ERCC6L2: variants seen among roughly 807,000 people sequenced by gnomAD.
ERCC6L2 encodes the protein DNA excision repair protein ERCC-6-like 2.
A neutral mutation model predicts 132.0 loss-of-function variants in ERCC6L2; 77 were observed. The observed-to-expected ratio is 0.58, with a 90% CI of 0.49 to 0.71. ERCC6L2 has a LOEUF of 0.71. ERCC6L2 is among the 30% of genes least tolerant of loss of function. The pLI is 0.00. For missense variants in ERCC6L2, 1,542 were observed against 1,837.6 expected, an observed-to-expected ratio of 0.84 and a Z score of 2.94; for synonymous variants, 583 against 632.4, an observed-to-expected ratio of 0.92 and a Z score of 1.17.
At chr9:96,030,435 C>G (rs907886348) in intron 19 of ERCC6L2, among the ~76,000 whole-genome samples, 13 of 152,130 alleles carry the variant, frequency 8.5e-5, no homozygotes, top group Non-Finnish European at 1.8e-4. Flanking sequence ...AGTACTCTCA[C>G]GCCTGTAATC....
At chr9:95,916,516 C>A in intron 6 of ERCC6L2, 82 bp downstream of exon 6, 1 of 1,181,740 alleles carries the variant, frequency 8.5e-7, no homozygotes, top group Non-Finnish European at 1.1e-6. Flanking sequence ...TCTCCTGTGG[C>A]ATTTTGTAAA....
At chr9:95,897,213 A>G (rs1444700656) in intron 2 of ERCC6L2, among the ~76,000 whole-genome samples, 4 of 152,170 alleles carry the variant, frequency 2.6e-5, no homozygotes, top group Admixed American at 6.5e-5. Flanking sequence ...CCCTTGCCTA[A>G]CTTCACAGAG....
In ERCC6L2 at chr9:95,917,848, T is replaced by C. The variant is rs556655988; in HGVS notation, c.1158+1414T>C. 2.6e-5 allele frequency among the ~76,000 whole-genome samples: 4 copies of C among 152,288 alleles called. No individual in the cohort carries two copies. The East Asian group carries it at 7.7e-4, about 29-fold the overall frequency. On this transcript the variant is annotated intron_variant, in intron 6 of 18. Coordinates refer to ENST00000653738, the MANE Select transcript of ERCC6L2 (RefSeq NM_020207.7). ...TGATGATAATAGTGCCTGCCTCACA[T>C]GGTTACTCTGAAATGCATGACACAT...
intron 13 of ERCC6L2, among the ~76,000 whole-genome samples, chr9:95,964,536 C>T (rs1832064536): frequency 6.6e-6 from 1 of 152,072 alleles, no homozygotes. Flanking sequence ...GCCTAATAAC[C>T]CGTGGTAAGG....
At chr9:95,890,707 G>T (rs921169799) in intron 2 of ERCC6L2, among the ~76,000 whole-genome samples, 1 of 151,982 alleles carries the variant, frequency 6.6e-6, no homozygotes, top group Non-Finnish European at 1.5e-5. Flanking sequence ...TCGCTTTTTT[G>T]CCCAGGCTGG....
intron 2 of ERCC6L2, among the ~76,000 whole-genome samples, chr9:95,888,229 C>A (rs1294961912): frequency 6.6e-6 from 1 of 152,092 alleles, no homozygotes; most frequent in Non-Finnish European, 1.5e-5. Context: ...ATGCCTTCCT[C>A]TTCTGGTCTA....
chr9:95,986,785 C>T (rs1401251998), intron 17 of ERCC6L2, among the ~76,000 whole-genome samples: 1 of 152,136 alleles, frequency 6.6e-6, no homozygotes, highest in Non-Finnish European at 1.5e-5. Context: ...GCACAAGCCA[C>T]CATGCCCAGC....
chr9:95,912,377 T>TTGTGTG (rs144056886), intron 4 of ERCC6L2, among the ~76,000 whole-genome samples: 1 of 151,588 alleles, frequency 6.6e-6, no homozygotes, highest in African/African-American at 2.4e-5. Flanking sequence ...TCCAACAGTT[T>TTGTGTG]TGTGTGTGTG....
chr9:95,978,839 T>C (rs1172438572), intron 17 of ERCC6L2, among the ~76,000 whole-genome samples: 1 of 152,196 alleles, frequency 6.6e-6, no homozygotes, highest in Non-Finnish European at 1.5e-5. Flanking sequence ...TATTACTTTA[T>C]GGGCAAGAGT....
chr9:95,913,461 G>A (rs185331292), intron 4 of ERCC6L2, among the ~76,000 whole-genome samples: 45 of 134,844 alleles, frequency 3.3e-4, no homozygotes, highest in Non-Finnish European at 5.5e-4. Context: ...TTGCTTGCCC[G>A]CTTGCTTGCT....
At chr9:95,930,030 G>A (rs548349203) in intron 11 of ERCC6L2, among the ~76,000 whole-genome samples, 79 of 152,132 alleles carry the variant, frequency 5.2e-4, no homozygotes, top group African/African-American at 1.8e-3. Context: ...ATCATACTTC[G>A]AAAAACATCT....
chr9:95,933,170 G>A (rs1445921008), intron 11 of ERCC6L2, among the ~76,000 whole-genome samples: 2 of 152,214 alleles, frequency 1.3e-5, no homozygotes, highest in African/African-American at 4.8e-5. Context: ...GGTTATGCCT[G>A]ACCTTGCCAT....
Position 95,972,677 on chromosome 9 carries a change from A to G in ERCC6L2, c.2926A>G (p.Thr976Ala). 1 of 1,299,610 alleles carries G rather than the reference A, an allele frequency of 7.7e-7. No homozygotes were observed. The highest frequency in any genetic ancestry group is 1.0e-6 in the Non-Finnish European group (1 of 988,902). The allele number at this position is 1,299,610 out of a possible 1,614,324, so 80.5% of individuals were successfully genotyped here. A position where few individuals can be genotyped will look rare whatever the true frequency, so the allele number is the denominator to read the frequency against. ...TLKSILKRKGTSDISDESDDI... is the reference protein window; with the variant it reads ...TLKSILKRKGASDISDESDDI... ...GAAATCTATTTTGAAAAGAAAAGGC[A>G]CCAGTGATATCAGTGATGAATCTGA... Residue 976 changes from threonine to alanine, a missense_variant, in exon 16 of 19, where the codon ACC becomes GCC. Transcript: ENST00000653738.
chr9:95,966,448 A>C, intron 13 of ERCC6L2, 114 bp from the exon 14 acceptor site: 5 of 943,336 alleles, frequency 5.3e-6, no homozygotes, highest in Non-Finnish European at 5.8e-6. Flanking sequence ...TTTCCTCCCT[A>C]AGGAGATTCT....
At chr9:95,964,615 A>G (rs534208089) in intron 13 of ERCC6L2, among the ~76,000 whole-genome samples, 134 of 152,316 alleles carry the variant, frequency 8.8e-4, no homozygotes, top group African/African-American at 3.1e-3. Flanking sequence ...AAGAACGGCC[A>G]TGAACTTCTT....
chr9:95,968,733 T>C (rs981444262), intron 14 of ERCC6L2: 3 of 152,158 alleles, frequency 2.0e-5, no homozygotes, highest in African/African-American at 7.2e-5. Flanking sequence ...AAGATAGATA[T>C]TGAGAGTTCA....
At chr9:95,978,285 T>C (rs549503307) in intron 17 of ERCC6L2, 70 bp downstream of exon 17, 1 of 1,033,296 alleles carries the variant, frequency 9.7e-7, no homozygotes, top group African/African-American at 1.7e-5. Flanking sequence ...AATAGGATCT[T>C]CTCTAAGTAC....
At chr9:95,879,522 T>C (rs572562014) in intron 1 of ERCC6L2, among the ~76,000 whole-genome samples, 16 of 152,194 alleles carry the variant, frequency 1.1e-4, no homozygotes, top group Non-Finnish European at 2.4e-4. Context: ...ATTGGGCCCA[T>C]TGACCTATAT....
chr9:95,893,581 T>C (rs946337319), intron 2 of ERCC6L2, among the ~76,000 whole-genome samples: 2 of 152,222 alleles, frequency 1.3e-5, no homozygotes, highest in African/African-American at 4.8e-5. Flanking sequence ...TATCTGGCCC[T>C]TAACTTTCTT....
Sources: allele counts gnomAD v4.1 joint callset (sites outside exome capture counted in the v4.1 genomes callset), GRCh38; gene constraint gnomAD v4.1.1; transcripts MANE v1.5; gene names NCBI Gene and HGNC (gene_info 2026-07-23, HGNC 2026-07-21).